The following NGRN variants were observed in gnomAD, a reference collection of about 807,000 sequenced individuals.
NGRN encodes neugrin.
Under a neutral mutation model 13.1 loss-of-function variants are expected in NGRN, and 12 were observed. The ratio of observed to expected loss-of-function variants is 0.92; its 90% confidence interval spans 0.59 to 1.49. The LOEUF (loss-of-function observed/expected upper bound fraction) is 1.49. Ranked by LOEUF, NGRN falls within the 40% of genes most tolerant of loss-of-function variation. NGRN has a pLI of 0.00. For missense variants in NGRN, 397 were observed against 357.0 expected, an observed-to-expected ratio of 1.11 and a Z score of -0.90; for synonymous variants, 149 against 145.8, an observed-to-expected ratio of 1.02 and a Z score of -0.16.
Position 90,271,699 on chromosome 15 carries a change from G to T in NGRN, c.787G>T (p.Ala263Ser). The change falls in exon 3 of 3, where the codon GCA (alanine) becomes TCA (serine). Residue 263 changes from alanine (A) to serine (S), a missense_variant. Transcript: ENST00000379095. ...TGGTCAGAAGCTGGAGGAGTTGAAG[G>T]CAGAGGAGCCAGATAACTTCAGCAG... ...PSGQKLEELK[A>S]EEPDNFSSKV... is the part of the protein sequence containing the mutation. The T allele has an allele frequency of 6.2e-7, 1 of 1,614,210 alleles. No individual in the cohort carries two copies. The highest frequency in any genetic ancestry group is 8.5e-7 in the Non-Finnish European group (1 of 1,180,048).
In NGRN at chr15:90,272,055, T is replaced by C. The variant is rs6897; in HGVS notation, c.*267T>C. 0.065 allele frequency: 27,453 copies of C among 421,914 alleles called. 1,212 individuals are homozygous for C. Among genetic ancestry groups the C allele is most frequent in the Admixed American group, 0.09 (2,340 of 26,132 alleles). 26.1% of individuals were successfully genotyped at this position (421,914 alleles called of 1,614,324 possible). A position where few individuals can be genotyped will look rare whatever the true frequency, so the allele number is the denominator to read the frequency against. ...AAGCCATCCCGTGTTGCATGTGTTG[T>C]TACAATTTTCTGTGATACTTGCAAT... On this transcript the variant is annotated 3_prime_UTR_variant, in exon 3 of 3. Coordinates refer to ENST00000379095, the MANE Select transcript of NGRN (RefSeq NM_001033088.3).
At chr15:90,268,613 TC>T in intron 2 of NGRN, among the ~76,000 whole-genome samples, 1 of 152,194 alleles carries the variant, frequency 6.6e-6, no homozygotes, top group South Asian at 2.1e-4. Context: ...ATTCTTTTGT[TC>T]CCAGCTGGTT....
At chr15:90,269,724 T>C (rs879526145) in intron 2 of NGRN, among the ~76,000 whole-genome samples, 1 of 152,170 alleles carries the variant, frequency 6.6e-6, no homozygotes, top group Non-Finnish European at 1.5e-5. Flanking sequence ...GTACCAGACA[T>C]CTCTGTTTTG....
In NGRN at chr15:90,271,509, C is replaced by A; in HGVS notation, c.597C>A (p.His199Gln). The A allele has an allele frequency of 6.2e-7, 1 of 1,614,062 alleles. No homozygotes were observed. The highest frequency in any genetic ancestry group is 1.1e-5 in the South Asian group (1 of 91,080). ...TGAAAGTGATAGAGTCAGACACTCA[C>A]AGGACAAATACACCAAGGAGAAGGA... ...TALKVIESDT[H>Q]RTNTPRRRKG... The change falls in exon 3 of 3, where the codon CAC becomes CAA. Residue 199 changes from histidine to glutamine, a missense_variant. Coordinates refer to ENST00000379095, the MANE Select transcript of NGRN (RefSeq NM_001033088.3).
chr15:90,267,641 A>G (rs1963446263), intron 2 of NGRN, among the ~76,000 whole-genome samples: 1 of 151,982 alleles, frequency 6.6e-6, no homozygotes, highest in African/African-American at 2.4e-5. Context: ...ATGCCTGGCC[A>G]GAATGCATTA....
chr15:90,267,247 T>A (rs1329164893), intron 2 of NGRN, among the ~76,000 whole-genome samples: 1 of 151,840 alleles, frequency 6.6e-6, no homozygotes. Flanking sequence ...CCCATGCTAG[T>A]CTCCAATTCC....
chr15:90,265,787 G>C lies in NGRN; in HGVS notation c.75G>C (p.Arg25=), dbSNP rs767925898. 9 of 1,612,728 alleles carry C rather than the reference G, an allele frequency of 5.6e-6. No homozygotes were observed. Among genetic ancestry groups the C allele is most frequent in the South Asian group, 1.1e-5 (1 of 90,998 alleles). ...TCACTCGCTGTGGGTTCGCGACCCG[G>C]GGGGTGGCGGGCCCAGGCCCTATTG... ...AAVTRCGFAT[R]GVAGPGPIGR... Residue 25 remains arginine (R), a synonymous_variant, in exon 1 of 3, where the codon CGG becomes CGC. Coordinates refer to ENST00000379095, the MANE Select transcript of NGRN (RefSeq NM_001033088.3).
At chr15:90,268,941 CTCCCA>C (rs1963465474) in intron 2 of NGRN, among the ~76,000 whole-genome samples, 1 of 9,822 alleles carries the variant, frequency 1.0e-4, no homozygotes, top group African/African-American at 2.8e-4. Context: ...AAACTGCTTT[CTCCCA>C]CCCCCCCCCC....
intron 2 of NGRN, 24 bp from the exon 3 acceptor site, chr15:90,271,164 C>G (rs373465100): frequency 8.8e-6 from 14 of 1,594,760 alleles, no homozygotes; most frequent in Admixed American, 5.4e-5. Flanking sequence ...TCACAACTTG[C>G]AAACCTGCTC....
At chr15:90,267,771 T>A (rs1292138634) in intron 2 of NGRN, among the ~76,000 whole-genome samples, 4 of 152,266 alleles carry the variant, frequency 2.6e-5, no homozygotes, top group Non-Finnish European at 5.9e-5. Context: ...CAGGAATATT[T>A]GTTATATACA....
chr15:90,269,763 G>A (rs919976096), intron 2 of NGRN, among the ~76,000 whole-genome samples: 22 of 152,062 alleles, frequency 1.4e-4, no homozygotes, highest in African/African-American at 5.3e-4. Flanking sequence ...AACTCAGCAT[G>A]TACAAAATAG....
rs746469740 is a variant in NGRN at position 90,266,274 on chromosome 15, T to C, written c.165-14T>C. The C allele has an allele frequency of 6.0e-5, 96 of 1,610,364 alleles. No individual in the cohort carries two copies. The highest frequency in any genetic ancestry group is 7.8e-5 in the Non-Finnish European group (92 of 1,178,514). Reference sequence around the variant, plus strand: ...TTCCACGCATGGCTTCTGCCATTGGTTCTCTTCCCCCAGCACCCTGAAACG... The same window carrying C: ...TTCCACGCATGGCTTCTGCCATTGGCTCTCTTCCCCCAGCACCCTGAAACG... On this transcript the variant is annotated splice_polypyrimidine_tract_variant and intron_variant, in intron 1 of 2. Transcript: ENST00000379095.
At chr15:90,266,482 A>T in intron 2 of NGRN, 84 bp downstream of exon 2, 1 of 997,926 alleles carries the variant, frequency 1.0e-6, no homozygotes. Context: ...GGCTTTTTTG[A>T]TACTGCTTTT....
At position 90,271,415 on chromosome 15, in the gene NGRN, C is replaced by G; in HGVS notation, c.503C>G (p.Ser168Cys). The G allele has an allele frequency of 1.2e-6, 2 of 1,614,068 alleles. No individual in the cohort carries two copies. The highest frequency in any genetic ancestry group is 3.3e-5 in the Admixed American group (2 of 60,012). The change falls in exon 3 of 3, where the codon TCT becomes TGT. Residue 168 changes from serine (S) to cysteine (C), a missense_variant. Coordinates refer to ENST00000379095, the MANE Select transcript of NGRN (RefSeq NM_001033088.3). ...TCAAAGCTGCTCCCTGCAGGCCACTCTGTATCAGGCTCTTTGCTTATGCCA... is the reference window on the plus strand; with the variant it reads ...TCAAAGCTGCTCCCTGCAGGCCACTGTGTATCAGGCTCTTTGCTTATGCCA... ...NTSKLLPAGH[S>C]VSGSLLMPGH...
chr15:90,267,862 T>G (rs1429335945), intron 2 of NGRN, among the ~76,000 whole-genome samples: 1 of 152,214 alleles, frequency 6.6e-6, no homozygotes, highest in Non-Finnish European at 1.5e-5. Context: ...CTACATAGAT[T>G]ATGTACTATT....
chr15:90,267,155 C>T (rs180915193), intron 2 of NGRN, among the ~76,000 whole-genome samples: 75 of 152,076 alleles, frequency 4.9e-4, no homozygotes, highest in Non-Finnish European at 3.4e-4. Context: ...CTTCGTCCTC[C>T]CAAGTAGCTG....
At chr15:90,268,949 C>A (rs56353100) in intron 2 of NGRN, among the ~76,000 whole-genome samples, 1 of 22,858 alleles carries the variant, frequency 4.4e-5, no homozygotes, top group Admixed American at 7.6e-4. Flanking sequence ...TTCTCCCACC[C>A]CCCCCCCCCC....
intron 2 of NGRN, among the ~76,000 whole-genome samples, chr15:90,268,722 C>G (rs1963462920): frequency 6.6e-6 from 1 of 152,088 alleles, no homozygotes; most frequent in Admixed American, 6.6e-5. Flanking sequence ...CAAAAAGACA[C>G]TTTGTAGTCC....
intron 2 of NGRN, among the ~76,000 whole-genome samples, chr15:90,269,404 G>A (rs1046933188): frequency 1.3e-5 from 2 of 152,022 alleles, no homozygotes; most frequent in African/African-American, 2.4e-5. Context: ...AGGTGTACAT[G>A]TGCCATGGTG....
Sources: gnomAD v4.1 joint callset for allele counts (sites outside exome capture counted in the v4.1 genomes callset) on GRCh38, gnomAD v4.1.1 for gene constraint, MANE v1.5 for transcripts, NCBI Gene and HGNC (gene_info 2026-07-23, HGNC 2026-07-21) for gene names.